The following RALGAPA2 variants were observed in gnomAD, a reference collection of about 807,000 sequenced individuals.
RALGAPA2 encodes ral GTPase-activating protein subunit alpha-2.
In RALGAPA2, 139 loss-of-function variants were observed where a neutral mutation model predicts 230.4. That is an observed-to-expected ratio of 0.60 (90% CI 0.53 to 0.69). RALGAPA2 has a LOEUF of 0.69. Among genes scored for constraint, RALGAPA2 ranks in the 30% least tolerant of loss-of-function variants. The pLI is 0.00. For synonymous variants in RALGAPA2, 847 were observed against 837.8 expected, an observed-to-expected ratio of 1.01 and a Z score of -0.19; for missense variants, 2,163 against 2,276.0, an observed-to-expected ratio of 0.95 and a Z score of 1.01.
intron 23 of RALGAPA2, among the ~76,000 whole-genome samples, chr20:20,559,645 T>C (rs2064195086): frequency 6.6e-6 from 1 of 151,808 alleles, no homozygotes. Context: ...ATAACAAAAC[T>C]CATTTTAGGG....
At chr20:20,493,549 G>A (rs1380452445) in intron 36 of RALGAPA2, among the ~76,000 whole-genome samples, 1 of 152,072 alleles carries the variant, frequency 6.6e-6, no homozygotes, top group Non-Finnish European at 1.5e-5. Context: ...GAATTAAAAT[G>A]GCTTGCATGT....
At chr20:20,412,596 T>A (rs1315743893) in intron 37 of RALGAPA2, among the ~76,000 whole-genome samples, 1 of 152,078 alleles carries the variant, frequency 6.6e-6, no homozygotes. Context: ...TTCTTAAAAA[T>A]AAGAAGATGC....
intron 23 of RALGAPA2, among the ~76,000 whole-genome samples, chr20:20,552,021 T>C (rs534774482): frequency 1.2e-4 from 19 of 152,256 alleles, no homozygotes; most frequent in African/African-American, 4.3e-4. Context: ...GGTGTCAAAA[T>C]GGGGGAAAAT....
At chr20:20,699,276 C>T (rs1385608050) in intron 1 of RALGAPA2, among the ~76,000 whole-genome samples, 2 of 152,080 alleles carry the variant, frequency 1.3e-5, no homozygotes, top group Non-Finnish European at 2.9e-5. Flanking sequence ...AGAAATGGAA[C>T]AATTCTTTCC....
chr20:20,460,761 A>G (rs895479704), intron 37 of RALGAPA2, among the ~76,000 whole-genome samples: 4 of 152,226 alleles, frequency 2.6e-5, no homozygotes, highest in African/African-American at 9.6e-5. Context: ...CAGCTCGTGC[A>G]CACATATGGG....
chr20:20,424,113 A>G lies in RALGAPA2; in HGVS notation c.5496-11965T>C, dbSNP rs551965510. 3.8e-4 allele frequency among the ~76,000 whole-genome samples: 58 copies of G among 152,348 alleles called. 2 individuals are homozygous for G. In the South Asian group the frequency reaches 0.011, roughly 29 times the overall value. ...AGAATCCGAGGCGCTCCACACATGCAACGGATTTGGACTATGCTGTTATTA... is the reference window on the plus strand; with the variant it reads ...AGAATCCGAGGCGCTCCACACATGCGACGGATTTGGACTATGCTGTTATTA... On this transcript the variant is annotated intron_variant, in intron 37 of 39. Transcript: ENST00000202677.
intron 36 of RALGAPA2, among the ~76,000 whole-genome samples, chr20:20,483,309 T>C (rs1034984386): frequency 3.3e-5 from 5 of 152,142 alleles, no homozygotes; most frequent in Non-Finnish European, 7.4e-5. Context: ...ATGTAACTGG[T>C]AGGGAATATT....
chr20:20,615,382 G>A (rs893758337), intron 13 of RALGAPA2, among the ~76,000 whole-genome samples: 9 of 151,820 alleles, frequency 5.9e-5, no homozygotes, highest in Non-Finnish European at 2.9e-5. Flanking sequence ...GGTTGGTCTC[G>A]AACTCCTGAC....
chr20:20,485,739 T>C (rs543435064), intron 36 of RALGAPA2, among the ~76,000 whole-genome samples: 1 of 152,374 alleles, frequency 6.6e-6, no homozygotes, highest in African/African-American at 2.4e-5. Context: ...TCCTCCCTCC[T>C]ATCCTTATAA....
At chr20:20,700,124 C>T (rs2069288558) in intron 1 of RALGAPA2, among the ~76,000 whole-genome samples, 2 of 152,026 alleles carry the variant, frequency 1.3e-5, no homozygotes, top group African/African-American at 4.8e-5. Context: ...TACTACACAG[C>T]CATAAAAAAG....
chr20:20,582,841 CTCT>C (rs1487139445), intron 20 of RALGAPA2, among the ~76,000 whole-genome samples: 2 of 152,148 alleles, frequency 1.3e-5, no homozygotes, highest in African/African-American at 4.8e-5. Context: ...GGAAAAATCA[CTCT>C]TCTTTCTAGC....
intron 16 of RALGAPA2, among the ~76,000 whole-genome samples, chr20:20,597,505 C>T (rs2065493466): frequency 6.6e-6 from 1 of 152,142 alleles, no homozygotes; most frequent in Non-Finnish European, 1.5e-5. Flanking sequence ...CGTAAGCTTT[C>T]ATTTTGCTTT....
intron 1 of RALGAPA2, among the ~76,000 whole-genome samples, chr20:20,685,152 C>T (rs926196755): frequency 3.3e-5 from 5 of 151,736 alleles, no homozygotes; most frequent in African/African-American, 1.2e-4. Flanking sequence ...CAACTATGAC[C>T]ACAAACTTCC....
chr20:20,444,014 T>G (rs773684344), intron 37 of RALGAPA2, among the ~76,000 whole-genome samples: 2 of 152,394 alleles, frequency 1.3e-5, no homozygotes, highest in Admixed American at 6.5e-5. Flanking sequence ...TCGGCACTGA[T>G]GCCTGGCCCC....
chr20:20,458,790 C>CTATATATATATATAGACCTA (rs148370065), intron 37 of RALGAPA2, among the ~76,000 whole-genome samples: 141 of 11,296 alleles, frequency 0.012, 1 homozygote, highest in African/African-American at 0.049. Context: ...ATATATAGAC[C>CTATATATATATATAGACCTA]TATATATATA....
Position 20,582,093 on chromosome 20 carries a change from G to A in RALGAPA2, c.2707+957C>T, listed in dbSNP as rs551451968. On this transcript the variant is annotated intron_variant, in intron 20 of 39. Coordinates refer to ENST00000202677, the MANE Select transcript of RALGAPA2 (RefSeq NM_020343.4). ...AACCCAGCTCCTCCATGGCCTCCCC[G>A]TTCTCATCAGCCTGGTCAAACAGGT... Among the ~76,000 whole-genome samples, 36 of 151,776 alleles carry A rather than the reference G, an allele frequency of 2.4e-4. 1 individual carries two copies. In the South Asian group the frequency reaches 5.6e-3, roughly 24 times the overall value.
intron 37 of RALGAPA2, among the ~76,000 whole-genome samples, chr20:20,422,992 TTAAA>T (rs2060309498): frequency 6.6e-6 from 1 of 152,146 alleles, no homozygotes; most frequent in Non-Finnish European, 1.5e-5. Flanking sequence ...TCCGAAGGTT[TTAAA>T]ACAGATGAAC....
chr20:20,472,515 T>C (rs6106254), intron 37 of RALGAPA2: 1 of 177,948 alleles, frequency 5.6e-6, no homozygotes, highest in Non-Finnish European at 1.2e-5. Flanking sequence ...ATAAGAGGGA[T>C]ACAGGATGAG....
intron 2 of RALGAPA2, among the ~76,000 whole-genome samples, chr20:20,680,458 C>G (rs2068479300): frequency 6.6e-6 from 1 of 152,108 alleles, no homozygotes; most frequent in Non-Finnish European, 1.5e-5. Flanking sequence ...GAAAATCATG[C>G]TTTCTAAGGG....
Sources: gnomAD v4.1 joint callset for allele counts (sites outside exome capture counted in the v4.1 genomes callset) on GRCh38, gnomAD v4.1.1 for gene constraint, MANE v1.5 for transcripts, NCBI Gene and HGNC (gene_info 2026-07-23, HGNC 2026-07-21) for gene names.